AMMECR1: variants seen among roughly 807,000 people sequenced by gnomAD.
AMMECR1 encodes nuclear protein AMMECR1.
Under a neutral mutation model 22.5 loss-of-function variants are expected in AMMECR1, and 3 were observed. That is an observed-to-expected ratio of 0.13 (90% CI 0.06 to 0.35). AMMECR1 has a LOEUF of 0.35. AMMECR1 is among the 10% of genes least tolerant of loss of function. The pLI is 1.00. For synonymous variants in AMMECR1, 130 were observed against 116.7 expected (o/e 1.11, Z -0.74); for missense variants, 235 against 278.7 (o/e 0.84, Z 1.12).
intron 2 of AMMECR1, among the ~76,000 whole-genome samples, chrX:110,383,932 C>T (rs2148277827): frequency 8.9e-6 from 1 of 111,977 alleles, no homozygotes; most frequent in Non-Finnish European, 1.9e-5. Context: ...CCAATTACTT[C>T]GCCTTTCTTT....
chrX:110,235,786 C>T (rs138132372), intron 2 of AMMECR1, among the ~76,000 whole-genome samples: 18 of 110,683 alleles, frequency 1.6e-4, no homozygotes, highest in South Asian at 3.9e-4. Context: ...ACACAGGGTG[C>T]GGGACATCAC....
At chrX:110,439,218 A>G (rs1023624057) in intron 1 of AMMECR1, among the ~76,000 whole-genome samples, 1 of 111,878 alleles carries the variant, frequency 8.9e-6, no homozygotes, top group African/African-American at 3.2e-5. Flanking sequence ...GGCCAGAGAC[A>G]ATGTCCTCTC....
rs928395718 is a variant in AMMECR1 at position 110,195,479 on chromosome X, C to T, written c.*3041G>A. On this transcript the variant is annotated 3_prime_UTR_variant, in exon 6 of 6. Coordinates refer to ENST00000262844, the MANE Select transcript of AMMECR1 (RefSeq NM_015365.3). ...TTTTGCTACATACCAAAGCAAAGTA[C>T]GTACTATTTCCAAGAGGAAAAATAC... is the stretch of plus-strand genomic sequence containing the variant. 1 of 111,784 alleles carries T rather than the reference C, an allele frequency of 8.9e-6. No individual in the cohort carries two copies. The highest frequency in any genetic ancestry group is 1.9e-5 in the Non-Finnish European group (1 of 53,105). The allele number at this position is 111,784 out of a possible 1,213,427, so 9.2% of individuals were successfully genotyped here. A position where few individuals can be genotyped will look rare whatever the true frequency, so the allele number is the denominator to read the frequency against.
At chrX:110,435,796 A>G (rs990906350) in intron 1 of AMMECR1, among the ~76,000 whole-genome samples, 10 of 112,463 alleles carry the variant, frequency 8.9e-5, no homozygotes, top group Non-Finnish European at 1.9e-4. Flanking sequence ...AACCCTGTTT[A>G]TATATATGTG....
At chrX:110,279,894 A>G (rs2067844054) in intron 1 of AMMECR1, among the ~76,000 whole-genome samples, 1 of 111,939 alleles carries the variant, frequency 8.9e-6, no homozygotes, top group Non-Finnish European at 1.9e-5. Context: ...TTATCTGAAA[A>G]TAAGATAAAA....
intron 2 of AMMECR1, among the ~76,000 whole-genome samples, chrX:110,254,117 C>T (rs1231529234): frequency 9.0e-6 from 1 of 110,869 alleles, no homozygotes; most frequent in Non-Finnish European, 1.9e-5. Context: ...CAAAACATAC[C>T]GACCTCCCCA....
At chrX:110,202,688 G>C in intron 3 of AMMECR1, 152 bp from the exon 4 acceptor site, 1 of 411,810 alleles carries the variant, frequency 2.4e-6, no homozygotes, top group Non-Finnish European at 4.2e-6. Context: ...TTTGACTTTG[G>C]ATTTGAAGGC....
intron 2 of AMMECR1, among the ~76,000 whole-genome samples, chrX:110,339,317 C>A (rs2148237584): frequency 9.4e-6 from 1 of 106,557 alleles, no homozygotes; most frequent in East Asian, 3.0e-4. Context: ...ACTATACCTT[C>A]CCCAAAGTTA....
In AMMECR1 at chrX:110,304,568, T is replaced by C. The variant is rs192413338; in HGVS notation, c.473+13031A>G. Among the ~76,000 whole-genome samples, 226 of 112,161 alleles carry C rather than the reference T, an allele frequency of 2.0e-3. 2 individuals carry two copies. The highest frequency in any genetic ancestry group is 6.9e-3 in the African/African-American group (213 of 30,941). On this transcript the variant is annotated intron_variant, in intron 1 of 5. Transcript: ENST00000262844. ...CTTAAGCTGAATGCGTACTGAAGAATGAAAGCACTTTGTCTACAGAGCAGA... is the reference window on the plus strand; with the variant it reads ...CTTAAGCTGAATGCGTACTGAAGAACGAAAGCACTTTGTCTACAGAGCAGA...
At chrX:110,378,329 G>T (rs889810952) in intron 2 of AMMECR1, among the ~76,000 whole-genome samples, 3 of 111,070 alleles carry the variant, frequency 2.7e-5, no homozygotes, top group Non-Finnish European at 3.8e-5. Flanking sequence ...CCCTAGTTCA[G>T]TTCTTCATCT....
intron 2 of AMMECR1, among the ~76,000 whole-genome samples, chrX:110,254,292 C>T (rs980482500): frequency 1.6e-4 from 18 of 111,763 alleles, no homozygotes; most frequent in Non-Finnish European, 2.6e-4. Context: ...ATCTTACAAA[C>T]ATATTACATA....
At chrX:110,239,081 C>A (rs954352722) in intron 2 of AMMECR1, among the ~76,000 whole-genome samples, 4 of 111,936 alleles carry the variant, frequency 3.6e-5, no homozygotes, top group Non-Finnish European at 5.6e-5. Context: ...GATAAATCCA[C>A]AAAGAAGAGG....
chrX:110,409,252 A>G (rs188424474), intron 2 of AMMECR1, among the ~76,000 whole-genome samples: 16 of 110,956 alleles, frequency 1.4e-4, no homozygotes, highest in Admixed American at 3.8e-4. Flanking sequence ...TTATCAGAAG[A>G]GAAACCATAG....
At chrX:110,232,561 G>C (rs1276739326) in intron 2 of AMMECR1, among the ~76,000 whole-genome samples, 1 of 111,450 alleles carries the variant, frequency 9.0e-6, no homozygotes, top group Admixed American at 9.5e-5. Context: ...ACAAGAGAAA[G>C]CAGGAAAGAT....
intron 1 of AMMECR1, among the ~76,000 whole-genome samples, chrX:110,273,550 C>A (rs1038991344): frequency 8.9e-6 from 1 of 112,254 alleles, no homozygotes; most frequent in Non-Finnish European, 1.9e-5. Context: ...ATCATAAATT[C>A]TTTACCTAGA....
At chrX:110,340,839 C>A in intron 2 of AMMECR1, among the ~76,000 whole-genome samples, 1 of 112,363 alleles carries the variant, frequency 8.9e-6, no homozygotes, top group Middle Eastern at 4.7e-3. Flanking sequence ...TAGCTTCTGC[C>A]ATTTCTTGTG....
chrX:110,360,072 A>G (rs2068253037), intron 2 of AMMECR1, among the ~76,000 whole-genome samples: 1 of 111,830 alleles, frequency 8.9e-6, no homozygotes, highest in South Asian at 3.8e-4. Flanking sequence ...AGAGGCAAGC[A>G]TTCTAGGAGT....
chrX:110,384,757 G>A (rs1448484767), intron 2 of AMMECR1, among the ~76,000 whole-genome samples: 2 of 110,602 alleles, frequency 1.8e-5, no homozygotes, highest in Non-Finnish European at 3.8e-5. Flanking sequence ...GGATTTGCCC[G>A]AACCCCCCAC....
intron 1 of AMMECR1, among the ~76,000 whole-genome samples, chrX:110,300,580 C>T (rs1455554328): frequency 8.9e-6 from 1 of 111,958 alleles, no homozygotes; most frequent in Non-Finnish European, 1.9e-5. Context: ...ACATCATAGG[C>T]AAAATAAATT....
Sources: allele counts gnomAD v4.1 joint callset (sites outside exome capture counted in the v4.1 genomes callset), GRCh38; gene constraint gnomAD v4.1.1; transcripts MANE v1.5; gene names NCBI Gene and HGNC (gene_info 2026-07-23, HGNC 2026-07-21).